Variants in AP1M2 observed in about 807,000 individuals in gnomAD.
AP1M2 encodes the protein adaptor related protein complex 1 subunit mu 2.
Under a neutral mutation model 54.6 loss-of-function variants are expected in AP1M2, and 41 were observed. That is an observed-to-expected ratio of 0.75 (90% CI 0.59 to 0.97). The LOEUF is 0.97. Ranked by LOEUF, AP1M2 falls within the 50% of genes least tolerant of loss-of-function variation. The pLI is 0.00. For missense variants in AP1M2, 507 were observed against 561.2 expected (o/e 0.90, Z 0.98); for synonymous variants, 219 against 215.9 (o/e 1.01, Z -0.13).
Position 10,583,969 on chromosome 19 carries a change from C to G in AP1M2, c.144G>C (p.Pro48=), listed in dbSNP as rs746599947. 6.2e-7 allele frequency: 1 copy of G among 1,604,030 alleles called. No individual in the cohort carries two copies. Among genetic ancestry groups the G allele is most frequent in the East Asian group, 2.2e-5 (1 of 44,480 alleles). ...VQREEEGALA[P]LLSHGQVHFL... ...AGTGGACCTGGCCGTGGCTCAGCAGCGGGGCCAGGGCGCCTTCCTCCTCCC... is the reference window on the plus strand; with the variant it reads ...AGTGGACCTGGCCGTGGCTCAGCAGGGGGGCCAGGGCGCCTTCCTCCTCCC... The change falls in exon 2 of 12, where the codon CCG becomes CCC. Residue 48 remains proline (P), a synonymous_variant. Coordinates refer to ENST00000250244, the MANE Select transcript of AP1M2 (RefSeq NM_005498.5).
chr19:10,583,704 A>G (rs763577711), intron 2 of AP1M2, 31 bp from the exon 3 acceptor site: 1 of 1,602,350 alleles, frequency 6.2e-7, no homozygotes, highest in South Asian at 1.1e-5. Flanking sequence ...AAAAGGTGCC[A>G]TTTATGGAGA....
At chr19:10,580,631 C>T (rs78256348) in intron 6 of AP1M2, among the ~76,000 whole-genome samples, 36,737 of 151,944 alleles carry the variant, frequency 0.24, 5,319 homozygotes, top group African/African-American at 0.4. Flanking sequence ...CCACTGCACT[C>T]CAGCCGGGTG....
chr19:10,585,405 G>C (rs571331587), intron 1 of AP1M2, among the ~76,000 whole-genome samples: 141 of 152,124 alleles, frequency 9.3e-4, no homozygotes, highest in African/African-American at 3.3e-3. Context: ...ACCCATAATA[G>C]TAAACACTTC....
At position 10,581,248 on chromosome 19, in the gene AP1M2, G is replaced by C. The variant is rs543615430; in HGVS notation, c.673+18C>G. On this transcript the variant is annotated intron_variant, in intron 6 of 11. Transcript: ENST00000250244. ...TCCCCTGTGCATTTCTCAGAAGAAA[G>C]GTCCCCTAAATGCTTACGGCCAGTG... The C allele has an allele frequency of 6.2e-7, 1 of 1,600,478 alleles. No homozygotes were observed. The highest frequency in any genetic ancestry group is 8.5e-7 in the Non-Finnish European group (1 of 1,171,144).
chr19:10,575,924 C>T (rs937465949), intron 9 of AP1M2, among the ~76,000 whole-genome samples: 6 of 139,544 alleles, frequency 4.3e-5, no homozygotes, highest in African/African-American at 1.6e-4. Context: ...CGCCACCACG[C>T]CCAGCTAATT....
intron 6 of AP1M2, among the ~76,000 whole-genome samples, chr19:10,580,788 C>T (rs1917416659): frequency 6.6e-6 from 1 of 151,952 alleles, no homozygotes; most frequent in Admixed American, 6.6e-5. Flanking sequence ...CATAGCGAGA[C>T]CCCCGTCTCT....
At chr19:10,584,351 C>T (rs192681471) in intron 1 of AP1M2, among the ~76,000 whole-genome samples, 24 of 152,216 alleles carry the variant, frequency 1.6e-4, no homozygotes, top group African/African-American at 5.3e-4. Context: ...GAGGCCGAGG[C>T]GGGTGGATCA....
chr19:10,576,498 G>A (rs1239067907), intron 9 of AP1M2, among the ~76,000 whole-genome samples: 6 of 151,796 alleles, frequency 4.0e-5, no homozygotes, highest in Admixed American at 1.3e-4. Context: ...TCCTGACCTC[G>A]TGATCCGCCC....
intron 10 of AP1M2, 102 bp downstream of exon 10, chr19:10,574,802 G>A (rs1331993515): frequency 2.8e-6 from 4 of 1,416,940 alleles, no homozygotes; most frequent in Non-Finnish European, 3.8e-6. Context: ...TCAGAGGAGT[G>A]TTGACACAGG....
intron 3 of AP1M2, among the ~76,000 whole-genome samples, chr19:10,582,129 T>C (rs1014371906): frequency 6.6e-6 from 1 of 151,990 alleles, no homozygotes; most frequent in Non-Finnish European, 1.5e-5. Flanking sequence ...CTGCAACTCC[T>C]GCCTCCGGGG....
chr19:10,581,901 AC>A, intron 3 of AP1M2, 23 bp from the exon 4 acceptor site: 1 of 1,565,064 alleles, frequency 6.4e-7, no homozygotes, highest in African/African-American at 1.4e-5. Context: ...GGAGAGAGAG[AC>A]CCACAAAAGT....
rs1205419344 is a variant in AP1M2 at position 10,572,975 on chromosome 19, GAC to G, written c.*89_*90del. On this transcript the variant is annotated 3_prime_UTR_variant, in exon 12 of 12. Coordinates refer to ENST00000250244, the MANE Select transcript of AP1M2 (RefSeq NM_005498.5). ...CAAGTCCAGGACCTGCCCTCACACA[GAC>G]ACACACAGCCCGCACCTGCCCTCCC... The G allele has an allele frequency of 4.8e-5, 67 of 1,388,810 alleles. No homozygotes were observed. The East Asian group carries it at 5.2e-4, about 11-fold the overall frequency. The allele number at this position is 1,388,810 out of a possible 1,614,324, so 86.0% of individuals were successfully genotyped here. A position where few individuals can be genotyped will look rare whatever the true frequency, so the allele number is the denominator to read the frequency against.
At position 10,579,922 on chromosome 19, in the gene AP1M2, C is replaced by T. The variant is rs550134606; in HGVS notation, c.674-64G>A. On this transcript the variant is annotated intron_variant, in intron 6 of 11. Transcript: ENST00000250244. ...ACCAGGAAAGGATCCCTATCCCCAC[C>T]TTTCCTGCCGACCACTGTCACCTAT... 58 of 1,487,320 alleles carry T rather than the reference C, an allele frequency of 3.9e-5. 1 individual carries two copies. In the South Asian group the frequency reaches 5.6e-4, roughly 14 times the overall value. 92.1% of individuals were successfully genotyped at this position (1,487,320 alleles called of 1,614,324 possible). A position where few individuals can be genotyped will look rare whatever the true frequency, so the allele number is the denominator to read the frequency against.
At position 10,581,481 on chromosome 19, in the gene AP1M2, G is replaced by C; in HGVS notation, c.546+6C>G. The C allele has an allele frequency of 6.2e-7, 1 of 1,613,580 alleles. No individual in the cohort carries two copies. The highest frequency in any genetic ancestry group is 8.5e-7 in the Non-Finnish European group (1 of 1,179,616). Reference sequence around the variant, plus strand: ...GAAGGGGTGCCGGGGAGGTGTGCAGGCTCACCAGCAGGTTGACAGACTCTA... The same window carrying C: ...GAAGGGGTGCCGGGGAGGTGTGCAGCCTCACCAGCAGGTTGACAGACTCTA... On this transcript the variant is annotated splice_donor_region_variant and intron_variant, in intron 5 of 11. Coordinates refer to ENST00000250244, the MANE Select transcript of AP1M2 (RefSeq NM_005498.5).
rs1917473685 is a variant in AP1M2, at chr19:10,581,835, CG to C, written c.310del (p.Arg104GlyfsTer73). On this transcript the variant is annotated frameshift_variant, in exon 4 of 12. Transcript: ENST00000250244. LOFTEE classifies it high-confidence loss of function. ...CTCGTAGACGATGACAAAGTTGTCC[CG>C]GATGCTCTCCTCCTCCAGCTCCTTG... is the stretch of plus-strand genomic sequence containing the variant. ...YFKELEEESI[R>X]DNFVIVYELL... is the part of the protein sequence containing the mutation. The C allele has an allele frequency of 1.2e-6, 2 of 1,613,766 alleles. No individual in the cohort carries two copies. The highest frequency in any genetic ancestry group is 8.5e-7 in the Non-Finnish European group (1 of 1,179,936).
chr19:10,577,989 G>A (rs975454697), intron 8 of AP1M2, among the ~76,000 whole-genome samples: 5 of 152,150 alleles, frequency 3.3e-5, no homozygotes, highest in African/African-American at 9.6e-5. Context: ...TACTGCCTCC[G>A]CCTCCCAACA....
chr19:10,581,668 C>T, intron 4 of AP1M2, 34 bp from the exon 5 acceptor site: 1 of 1,612,714 alleles, frequency 6.2e-7, no homozygotes, highest in Non-Finnish European at 8.5e-7. Flanking sequence ...AGCAGCTGGA[C>T]CCAGGGACAC....
In AP1M2 at chr19:10,584,132, G is replaced by A. The variant is rs1030481206; in HGVS notation, c.43-62C>T. Reference sequence around the variant, plus strand: ...ATCCAAGAACCTACCACGCTGAGGAGGCACAGTGCCCGGTTCTGACCCTAC... The same window carrying A: ...ATCCAAGAACCTACCACGCTGAGGAAGCACAGTGCCCGGTTCTGACCCTAC... On this transcript the variant is annotated intron_variant, in intron 1 of 11. Transcript: ENST00000250244. 5.8e-6 allele frequency: 9 copies of A among 1,556,824 alleles called. No homozygotes were observed. The African/African-American group carries it at 1.1e-4, about 19-fold the overall frequency.
intron 1 of AP1M2, among the ~76,000 whole-genome samples, chr19:10,586,987 A>T (rs2144776074): frequency 6.6e-6 from 1 of 152,266 alleles, no homozygotes; most frequent in East Asian, 1.9e-4. Flanking sequence ...CCATTTTTAC[A>T]TACAGAGAAA....
Sources: gnomAD v4.1 joint callset for allele counts (sites outside exome capture counted in the v4.1 genomes callset) on GRCh38, gnomAD v4.1.1 for gene constraint, MANE v1.5 for transcripts, NCBI Gene and HGNC (gene_info 2026-07-23, HGNC 2026-07-21) for gene names.